The following ROBO2 variants were observed in gnomAD, a reference collection of about 807,000 sequenced individuals.
The protein encoded by ROBO2 is roundabout homolog 2.
ROBO2 carries 53 observed loss-of-function variants against 160.8 expected under a neutral mutation model. The ratio of observed to expected loss-of-function variants is 0.33; its 90% confidence interval spans 0.26 to 0.41. ROBO2 has a LOEUF of 0.41. ROBO2 is among the 10% of genes least tolerant of loss of function. The pLI is 1.00. For synonymous variants in ROBO2, 664 were observed against 611.7 expected, an observed-to-expected ratio of 1.09 and a Z score of -1.26; for missense variants, 1,577 against 1,722.4, an observed-to-expected ratio of 0.92 and a Z score of 1.49.
At chr3:77,493,358 A>G in exon 5 of ROBO2, 5 of 1,614,120 alleles carry the variant, frequency 3.1e-6, no homozygotes, top group South Asian at 1.1e-5. Flanking sequence ...TGGAAAAAGG[A>G]TGATGCAGAC....
In ROBO2 at chr3:77,538,059, G is replaced by T. The variant is rs564385256; in HGVS notation, c.935-8279G>T. On this transcript the variant is annotated intron_variant, in intron 6 of 25. Coordinates refer to ENST00000461745, the Ensembl canonical transcript of ROBO2. ...ATTATTAGCTACAAGGAAGTAGCTG[G>T]TGGCAAAGAAAGTGTATCACTCATC... Among the ~76,000 whole-genome samples the T allele has an allele frequency of 5.9e-5, 9 of 151,828 alleles. No individual in the cohort carries two copies. The South Asian group carries it at 1.9e-3, about 32-fold the overall frequency.
intron 2 of ROBO2, among the ~76,000 whole-genome samples, chr3:76,887,194 A>T (rs12486024): frequency 0.062 from 4,795 of 76,784 alleles, 144 homozygotes; most frequent in South Asian, 0.16. Context: ...TTCAGGAAGC[A>T]TTTTTTTTTT....
chr3:77,477,643 A>T, intron 3 of ROBO2, 72 bp downstream of exon 3: 3 of 1,323,018 alleles, frequency 2.3e-6, no homozygotes, highest in Non-Finnish European at 3.2e-6. Flanking sequence ...GATGTATTTT[A>T]TTCTTTAACA....
chr3:77,098,195 C>T (rs2150074822), exon 2 of ROBO2: 1 of 1,614,180 alleles, frequency 6.2e-7, no homozygotes, highest in East Asian at 2.2e-5. Context: ...CCCGGTCCCA[C>T]AGGATGCTTC....
At chr3:77,550,405 G>A (rs752564155) in intron 7 of ROBO2, among the ~76,000 whole-genome samples, 13 of 151,956 alleles carry the variant, frequency 8.6e-5, no homozygotes, top group Middle Eastern at 3.2e-3. Context: ...AGAGCTGTGC[G>A]GTTTATACAA....
intron 21 of ROBO2, among the ~76,000 whole-genome samples, chr3:77,610,158 A>G (rs908632000): frequency 1.3e-5 from 2 of 152,086 alleles, no homozygotes; most frequent in Non-Finnish European, 2.9e-5. Context: ...AAAAAGAAAG[A>G]TTATTGAACA....
At chr3:76,457,494 T>C in intron 2 of ROBO2, among the ~76,000 whole-genome samples, 1 of 152,170 alleles carries the variant, frequency 6.6e-6, no homozygotes, top group East Asian at 1.9e-4. Context: ...TCCCTGCTGC[T>C]TTCATGGACT....
intron 1 of ROBO2, among the ~76,000 whole-genome samples, chr3:77,063,947 T>C (rs9825495): frequency 0.3 from 45,002 of 152,080 alleles, 8,513 homozygotes; most frequent in East Asian, 0.62. Flanking sequence ...AAGCTATTTC[T>C]CATTTAAGAA....
chr3:76,602,689 C>T (rs1270023783), intron 2 of ROBO2, among the ~76,000 whole-genome samples: 1 of 152,024 alleles, frequency 6.6e-6, no homozygotes, highest in Non-Finnish European at 1.5e-5. Context: ...GTGGGAGTTA[C>T]AATTCAAGAT....
intron 2 of ROBO2, among the ~76,000 whole-genome samples, chr3:77,241,467 T>C (rs2089025810): frequency 6.6e-6 from 1 of 152,246 alleles, no homozygotes; most frequent in Admixed American, 6.5e-5. Flanking sequence ...CTAGTTTTCT[T>C]GTTTCATTCA....
chr3:77,171,698 A>T (rs182805502), intron 2 of ROBO2, among the ~76,000 whole-genome samples: 323 of 152,330 alleles, frequency 2.1e-3, no homozygotes, highest in Admixed American at 3.7e-3. Flanking sequence ...GAGAAGCATC[A>T]TTTAAATGGT....
At chr3:76,618,954 C>G (rs1367048809) in intron 2 of ROBO2, among the ~76,000 whole-genome samples, 2 of 151,722 alleles carry the variant, frequency 1.3e-5, no homozygotes, top group East Asian at 3.9e-4. Context: ...ATCTGTTCCA[C>G]TAAAAAGAAA....
At chr3:76,311,716 C>T (rs547780076) in intron 2 of ROBO2, among the ~76,000 whole-genome samples, 11 of 152,254 alleles carry the variant, frequency 7.2e-5, no homozygotes, top group East Asian at 1.9e-4. Context: ...TGTTTTCCTT[C>T]GGAAGCCGCA....
At chr3:77,042,124 G>A (rs537508521) in intron 1 of ROBO2, among the ~76,000 whole-genome samples, 10 of 152,276 alleles carry the variant, frequency 6.6e-5, no homozygotes. Flanking sequence ...TTCAATCATG[G>A]ACTACATGAG....
rs557805341 is a variant in ROBO2, at chr3:76,277,316, A to T, written c.109+339714A>T. Among the ~76,000 whole-genome samples, 36 of 152,142 alleles carry T rather than the reference A, an allele frequency of 2.4e-4. 2 individuals carry two copies. The South Asian group carries it at 7.5e-3, about 31-fold the overall frequency. ...CTGTTAAACAACAGCAACAACAAACAACAGGTTTTAGACTCTACCTACAAT... is the reference window on the plus strand; with the variant it reads ...CTGTTAAACAACAGCAACAACAAACTACAGGTTTTAGACTCTACCTACAAT... On this transcript the variant is annotated intron_variant, in intron 2 of 26. Transcript: ENST00000487694.
chr3:76,349,676 A>T (rs1576593505), intron 2 of ROBO2, among the ~76,000 whole-genome samples: 1 of 152,122 alleles, frequency 6.6e-6, no homozygotes, highest in Non-Finnish European at 1.5e-5. Flanking sequence ...AGCCTGCCAC[A>T]GTGTAACGGA....
chr3:76,166,503 T>C (rs1353509104), intron 2 of ROBO2, among the ~76,000 whole-genome samples: 1 of 152,146 alleles, frequency 6.6e-6, no homozygotes, highest in Non-Finnish European at 1.5e-5. Context: ...CGTTTTCTAT[T>C]TTCTTTCCCA....
intron 2 of ROBO2, among the ~76,000 whole-genome samples, chr3:76,552,441 C>A (rs1205606284): frequency 6.6e-6 from 1 of 152,170 alleles, no homozygotes; most frequent in Non-Finnish European, 1.5e-5. Context: ...GAGTATTCAT[C>A]TTAGAAGAAG....
At chr3:77,579,892 G>A (rs917642773) in intron 15 of ROBO2, 55 bp from the exon 17 acceptor site, 244 of 1,485,540 alleles carry the variant, frequency 1.6e-4, no homozygotes, top group Non-Finnish European at 2.1e-4. Flanking sequence ...CAGTAGTCTC[G>A]TTACCAGAAA....
Sources: gnomAD v4.1 joint callset for allele counts (sites outside exome capture counted in the v4.1 genomes callset) on GRCh38, gnomAD v4.1.1 for gene constraint, MANE v1.5 for transcripts, NCBI Gene and HGNC (gene_info 2026-07-23, HGNC 2026-07-21) for gene names.